The following INPP4B variants were observed in gnomAD, a reference collection of about 807,000 sequenced individuals.
INPP4B encodes the protein inositol polyphosphate-4-phosphatase type II B.
A neutral mutation model predicts 122.5 loss-of-function variants in INPP4B; 55 were observed. The observed-to-expected ratio is 0.45, with a 90% CI of 0.36 to 0.56. INPP4B has a LOEUF of 0.56. Ranked by LOEUF, INPP4B falls within the 20% of genes least tolerant of loss-of-function variation. INPP4B has a pLI of 0.00. For missense variants in INPP4B, 1,000 were observed against 1,097.7 expected, an observed-to-expected ratio of 0.91 and a Z score of 1.26; for synonymous variants, 403 against 388.7, an observed-to-expected ratio of 1.04 and a Z score of -0.43.
intron 2 of INPP4B, among the ~76,000 whole-genome samples, chr4:142,479,865 A>G (rs753251046): frequency 1.3e-5 from 2 of 152,108 alleles, no homozygotes; most frequent in Non-Finnish European, 2.9e-5. Context: ...TACTATGCTT[A>G]TTACCTGGTT....
At chr4:142,305,008 T>A (rs562182743) in intron 9 of INPP4B, among the ~76,000 whole-genome samples, 32 of 152,248 alleles carry the variant, frequency 2.1e-4, no homozygotes, top group South Asian at 4.1e-4. Context: ...GTTTTATGTT[T>A]AATAGTATAG....
intron 2 of INPP4B, among the ~76,000 whole-genome samples, chr4:142,549,829 A>G (rs7666410): frequency 2.0e-4 from 31 of 152,154 alleles, no homozygotes; most frequent in African/African-American, 7.2e-4. Flanking sequence ...TTCCTGGTAA[A>G]TATCTCTTTC....
intron 9 of INPP4B, among the ~76,000 whole-genome samples, chr4:142,272,164 A>G (rs1228321179): frequency 6.6e-6 from 1 of 152,062 alleles, no homozygotes; most frequent in African/African-American, 2.4e-5. Flanking sequence ...CTTTTAACTA[A>G]TTCCTTCTAA....
intron 17 of INPP4B, 109 bp from the exon 18 acceptor site, chr4:142,146,105 C>T: frequency 1.7e-6 from 2 of 1,174,732 alleles, no homozygotes; most frequent in Non-Finnish European, 2.4e-6. Context: ...CATTAGAATG[C>T]AGATTGAGTA....
chr4:142,257,757 C>T (rs147517681), intron 11 of INPP4B, among the ~76,000 whole-genome samples: 15,497 of 152,120 alleles, frequency 0.1, 883 homozygotes, highest in Middle Eastern at 0.15. Flanking sequence ...GAATCAATAT[C>T]GTGAAAATGG....
chr4:142,834,304 G>A (rs1782520499), intron 1 of INPP4B, among the ~76,000 whole-genome samples: 1 of 152,120 alleles, frequency 6.6e-6, no homozygotes, highest in East Asian at 1.9e-4. Flanking sequence ...ATTATTATTC[G>A]TAGGATGTTC....
intron 2 of INPP4B, among the ~76,000 whole-genome samples, chr4:142,513,122 T>C (rs980137471): frequency 6.6e-6 from 1 of 152,208 alleles, no homozygotes. Context: ...AGAATATTAA[T>C]TTAATGAGCA....
chr4:142,206,678 C>T (rs1257532468), intron 14 of INPP4B, among the ~76,000 whole-genome samples: 2 of 151,972 alleles, frequency 1.3e-5, no homozygotes, highest in African/African-American at 4.8e-5. Context: ...AACTTGATGA[C>T]GTTGGACATA....
intron 2 of INPP4B, among the ~76,000 whole-genome samples, chr4:142,655,778 ATTATTCCTT>A: frequency 6.6e-6 from 1 of 152,262 alleles, no homozygotes; most frequent in African/African-American, 2.4e-5. Context: ...TTTAAAGTAC[ATTATTCCTT>A]TTAAAGTCCA....
intron 16 of INPP4B, among the ~76,000 whole-genome samples, chr4:142,161,375 T>C (rs1820008098): frequency 6.6e-6 from 1 of 151,974 alleles, no homozygotes; most frequent in South Asian, 2.1e-4. Flanking sequence ...AGTAATTACT[T>C]CACTTAGCAT....
At chr4:142,660,610 A>C (rs1754996502) in intron 2 of INPP4B, among the ~76,000 whole-genome samples, 1 of 152,244 alleles carries the variant, frequency 6.6e-6, no homozygotes, top group African/African-American at 2.4e-5. Context: ...GAAACCCAGA[A>C]GCCCAACATG....
At chr4:142,504,501 A>G (rs1318685624) in intron 2 of INPP4B, among the ~76,000 whole-genome samples, 1 of 152,196 alleles carries the variant, frequency 6.6e-6, no homozygotes, top group African/African-American at 2.4e-5. Context: ...TATAGAATAA[A>G]AGTCCTAGTG....
intron 2 of INPP4B, chr4:142,654,630 G>A (rs946839914): frequency 6.6e-6 from 1 of 152,104 alleles, no homozygotes; most frequent in Non-Finnish European, 1.5e-5. Flanking sequence ...AGTTTCTAAA[G>A]TTCTTGTTTC....
intron 2 of INPP4B, among the ~76,000 whole-genome samples, chr4:142,576,498 T>TA (rs1305859598): frequency 2.6e-5 from 4 of 151,596 alleles, no homozygotes; most frequent in Middle Eastern, 6.9e-3. Flanking sequence ...AAATAATATA[T>TA]AAAAAAATAT....
chr4:142,808,625 CTGTT>C (rs1420111385), intron 1 of INPP4B, among the ~76,000 whole-genome samples: 4 of 152,284 alleles, frequency 2.6e-5, no homozygotes, highest in Non-Finnish European at 5.9e-5. Context: ...TTAACAGAGA[CTGTT>C]TATGTGGAAA....
chr4:142,168,075 CAT>C (rs548303638), intron 16 of INPP4B, among the ~76,000 whole-genome samples: 95 of 151,286 alleles, frequency 6.3e-4, no homozygotes, highest in Admixed American at 1.3e-3. Context: ...GTCAGAGAAA[CAT>C]GTGTCCTTTT....
At chr4:142,196,973 A>C (rs191658372) in intron 14 of INPP4B, among the ~76,000 whole-genome samples, 121 of 151,790 alleles carry the variant, frequency 8.0e-4, no homozygotes, top group African/African-American at 2.7e-3. Flanking sequence ...AAAAATACAG[A>C]AAATTAGCCG....
chr4:142,167,969 AT>A (rs35469629), intron 16 of INPP4B, among the ~76,000 whole-genome samples: 8,896 of 140,728 alleles, frequency 0.063, 877 homozygotes, highest in African/African-American at 0.21. Flanking sequence ...AGTTAGCAGG[AT>A]TTTTTTTTTT....
chr4:142,687,004 G>A (rs981500604), intron 2 of INPP4B, among the ~76,000 whole-genome samples: 1 of 152,030 alleles, frequency 6.6e-6, no homozygotes, highest in African/African-American at 2.4e-5. Flanking sequence ...ATGGGAAACA[G>A]TGATAATTTC....
Sources: gnomAD v4.1 joint callset for allele counts (sites outside exome capture counted in the v4.1 genomes callset) on GRCh38, gnomAD v4.1.1 for gene constraint, MANE v1.5 for transcripts, NCBI Gene and HGNC (gene_info 2026-07-23, HGNC 2026-07-21) for gene names.